The following KMO variants were observed in gnomAD, a reference collection of about 807,000 sequenced individuals.
The protein encoded by KMO is kynurenine 3-hydroxylase.
KMO carries 24 observed loss-of-function variants against 57.8 expected under a neutral mutation model. The ratio of observed to expected loss-of-function variants is 0.42; its 90% CI spans 0.30 to 0.58. The LOEUF is 0.58. KMO is among the 20% of genes least tolerant of loss of function. The probability of loss-of-function intolerance (pLI) is 0.22; values close to 1 mark genes in which losing one functional copy is unlikely to be tolerated. For missense variants in KMO, 483 were observed against 588.2 expected, an observed-to-expected ratio of 0.82 and a Z score of 1.85; for synonymous variants, 210 against 193.6, an observed-to-expected ratio of 1.08 and a Z score of -0.70.
chr1:241,590,005 A>G lies in KMO; in HGVS notation c.1099-7A>G. On this transcript the variant is annotated splice_polypyrimidine_tract_variant and splice_region_variant and intron_variant, in intron 12 of 14. Transcript: ENST00000366559. ...AAAAGCGTTCTTTAAGACTGTCATT[A>G]TTGCAGATGCGAGCACATGTCAACT... 1 of 1,608,206 alleles carries G rather than the reference A, an allele frequency of 6.2e-7. No individual in the cohort carries two copies. Among genetic ancestry groups the G allele is most frequent in the Non-Finnish European group, 8.5e-7 (1 of 1,174,628 alleles).
chr1:241,540,692 T>G (rs1042274755), intron 1 of KMO, among the ~76,000 whole-genome samples: 2 of 152,046 alleles, frequency 1.3e-5, no homozygotes, highest in African/African-American at 4.8e-5. Context: ...ATATTGAAAA[T>G]TTGGAATTTT....
chr1:241,594,637 G>A lies in KMO; in HGVS notation c.*2484G>A. ...CCAGCTGCTGGTAGGTCTTTAGCAGGCCTCTGGCACCTCAGCAGTCGGAGG... is the reference window on the plus strand; with the variant it reads ...CCAGCTGCTGGTAGGTCTTTAGCAGACCTCTGGCACCTCAGCAGTCGGAGG... On this transcript the variant is annotated 3_prime_UTR_variant, in exon 15 of 15. Coordinates refer to ENST00000366559, the MANE Select transcript of KMO (RefSeq NM_003679.5). 1 of 1,614,082 alleles carries A rather than the reference G, an allele frequency of 6.2e-7. No homozygotes were observed. The highest frequency in any genetic ancestry group is 8.5e-7 in the Non-Finnish European group (1 of 1,179,978).
intron 4 of KMO, among the ~76,000 whole-genome samples, chr1:241,554,444 T>C (rs1661532786): frequency 6.6e-6 from 1 of 151,850 alleles, no homozygotes; most frequent in African/African-American, 2.4e-5. Flanking sequence ...CGGCTTGTTT[T>C]TGTATTTTTA....
At chr1:241,535,895 G>C (rs139074427) in intron 1 of KMO, among the ~76,000 whole-genome samples, 1 of 152,110 alleles carries the variant, frequency 6.6e-6, no homozygotes, top group African/African-American at 2.4e-5. Context: ...ATCAAATGCT[G>C]CCTTCTATTA....
rs571719110 is a variant in KMO, at chr1:241,577,476, G to A, written c.957+8829G>A. Among the ~76,000 whole-genome samples the A allele has an allele frequency of 1.7e-3, 259 of 152,024 alleles. 1 individual carries two copies. Among genetic ancestry groups the A allele is most frequent in the African/African-American group, 5.8e-3 (239 of 41,468 alleles). On this transcript the variant is annotated intron_variant, in intron 10 of 14. Coordinates refer to ENST00000366559, the MANE Select transcript of KMO (RefSeq NM_003679.5). The stretch of plus-strand genomic sequence containing the variant: ...TTTATAGTTTATTGTAGCCTAATTC[G>A]GCTCTTGGTGCTTTCAGAGTTGAAG...
At chr1:241,545,584 G>A (rs1661117203) in intron 1 of KMO, among the ~76,000 whole-genome samples, 1 of 152,010 alleles carries the variant, frequency 6.6e-6, no homozygotes, top group African/African-American at 2.4e-5. Flanking sequence ...TTGGACTAAG[G>A]CCCACCCTAA....
intron 7 of KMO, among the ~76,000 whole-genome samples, chr1:241,564,637 A>G (rs1662005790): frequency 1.3e-5 from 2 of 152,068 alleles, no homozygotes; most frequent in African/African-American, 4.8e-5. Flanking sequence ...ACATCTAGAT[A>G]TGTGCATGTG....
At chr1:241,570,691 TA>T (rs775965882) in intron 10 of KMO, among the ~76,000 whole-genome samples, 68 of 152,272 alleles carry the variant, frequency 4.5e-4, no homozygotes, top group Non-Finnish European at 7.2e-4. Flanking sequence ...TTTAGTTTTG[TA>T]GTATAATTTG....
chr1:241,589,080 T>A (rs557991089), intron 12 of KMO, among the ~76,000 whole-genome samples: 1 of 152,376 alleles, frequency 6.6e-6, no homozygotes, highest in Non-Finnish European at 1.5e-5. Flanking sequence ...AAACCTCTGA[T>A]AATTCACATG....
intron 1 of KMO, among the ~76,000 whole-genome samples, chr1:241,539,775 A>G (rs1433093631): frequency 6.6e-6 from 1 of 152,164 alleles, no homozygotes; most frequent in African/African-American, 2.4e-5. Context: ...AAGGCCCAGG[A>G]GCCAACGGGG....
chr1:241,557,419 A>G (rs746905647), intron 5 of KMO, among the ~76,000 whole-genome samples: 1 of 152,196 alleles, frequency 6.6e-6, no homozygotes, highest in Non-Finnish European at 1.5e-5. Context: ...GAGACTGTAC[A>G]TGATTTATCT....
Position 241,568,612 on chromosome 1 carries a change from G to A in KMO, c.922G>A (p.Ala308Thr). The A allele has an allele frequency of 1.2e-6, 2 of 1,613,852 alleles. No individual in the cohort carries two copies. Among genetic ancestry groups the A allele is most frequent in the Non-Finnish European group, 1.7e-6 (2 of 1,179,862 alleles). Residue 308 changes from alanine to threonine, a missense_variant, in exon 10 of 15, where the codon GCT becomes ACT. Physicochemically the swap from Ala to Thr is moderately conservative, Grantham distance 58. Coordinates refer to ENST00000366559, the MANE Select transcript of KMO (RefSeq NM_003679.5). ...TGTACTGCTGGGAGATGCAGCTCAT[G>A]CTATAGTGCCGTTTTTTGGGCAAGG... ...HCVLLGDAAHAIVPFFGQGMN... is the reference protein window; with the variant it reads ...HCVLLGDAAHTIVPFFGQGMN...
At chr1:241,548,416 A>G (rs1458623592) in intron 1 of KMO, among the ~76,000 whole-genome samples, 1 of 152,180 alleles carries the variant, frequency 6.6e-6, no homozygotes, top group African/African-American at 2.4e-5. Flanking sequence ...AGAGGACTGT[A>G]ACTGGGGAGG....
chr1:241,594,778 T>TTG lies in KMO; in HGVS notation c.*2626_*2627insGT. 6.7e-7 allele frequency: 1 copy of TTG among 1,489,776 alleles called. No homozygotes were observed. Among genetic ancestry groups the TTG allele is most frequent in the Non-Finnish European group, 9.1e-7 (1 of 1,101,622 alleles). 92.3% of individuals were successfully genotyped at this position (1,489,776 alleles called of 1,614,324 possible). On this transcript the variant is annotated 3_prime_UTR_variant, in exon 15 of 15. Coordinates refer to ENST00000366559, the MANE Select transcript of KMO (RefSeq NM_003679.5). ...ATTCGAGGAAATCAGTTGAGCTGAATTTAAGTTGTTTTTTGTTTGTTAGCA... is the reference window on the plus strand; with the variant it reads ...ATTCGAGGAAATCAGTTGAGCTGAATTGTTAAGTTGTTTTTTGTTTGTTAGCA...
At chr1:241,574,922 T>C (rs752067211) in intron 10 of KMO, among the ~76,000 whole-genome samples, 40 of 152,096 alleles carry the variant, frequency 2.6e-4, no homozygotes, top group Non-Finnish European at 5.0e-4. Flanking sequence ...GACAATTGTT[T>C]CGATTACTGA....
intron 4 of KMO, among the ~76,000 whole-genome samples, chr1:241,553,734 T>A (rs1382419240): frequency 6.6e-6 from 1 of 152,218 alleles, no homozygotes; most frequent in Non-Finnish European, 1.5e-5. Flanking sequence ...ATAATTTGAA[T>A]GTTTCCTAAC....
chr1:241,548,585 TA>T (rs34302807), intron 1 of KMO, among the ~76,000 whole-genome samples: 6,993 of 142,632 alleles, frequency 0.049, 195 homozygotes, highest in East Asian at 0.063. Context: ...TATAAAAAAG[TA>T]AAAAAAAAAA....
chr1:241,590,304 T>A lies in KMO; in HGVS notation c.1260+41T>A, dbSNP rs200496758. On this transcript the variant is annotated intron_variant, in intron 14 of 14. Coordinates refer to ENST00000366559, the MANE Select transcript of KMO (RefSeq NM_003679.5). ...TTTTATTTATTTTTTAATGTGGTGT[T>A]TTGAAATGTCATAGTATTATGATTA... 125 of 1,422,370 alleles carry A rather than the reference T, an allele frequency of 8.8e-5. No homozygotes were observed. The African/African-American group carries it at 1.6e-3, about 19-fold the overall frequency. The allele number at this position is 1,422,370 out of a possible 1,614,324, so 88.1% of individuals were successfully genotyped here.
rs530687846 is a variant in KMO, at chr1:241,565,287, G to A, written c.687+229G>A. 1.1e-4 allele frequency among the ~76,000 whole-genome samples: 16 copies of A among 152,266 alleles called. 1 individual carries two copies. In the South Asian group the frequency reaches 2.7e-3, roughly 26 times the overall value. On this transcript the variant is annotated intron_variant, in intron 8 of 14. Coordinates refer to ENST00000366559, the MANE Select transcript of KMO (RefSeq NM_003679.5). Reference sequence around the variant, plus strand: ...ACATGAATGGATAACAAGAGTTTATGTGTGGTGGTGCCTGTCATCTCCACT... The same window carrying A: ...ACATGAATGGATAACAAGAGTTTATATGTGGTGGTGCCTGTCATCTCCACT...
Sources: allele counts gnomAD v4.1 joint callset (sites outside exome capture counted in the v4.1 genomes callset), GRCh38; gene constraint gnomAD v4.1.1; transcripts MANE v1.5; gene names NCBI Gene and HGNC (gene_info 2026-07-23, HGNC 2026-07-21).